Variants in MED12 observed in about 807,000 individuals in gnomAD.
MED12 encodes mediator complex subunit 12.
MED12 carries 10 observed loss-of-function variants against 177.7 expected under a neutral mutation model. The ratio of observed to expected loss-of-function variants is 0.06; its 90% CI spans 0.03 to 0.10. The LOEUF (loss-of-function observed/expected upper bound fraction) is 0.10, where lower values mean the gene tolerates loss of function less well. MED12 is among the 10% of genes least tolerant of loss of function. The probability of loss-of-function intolerance (pLI) is 1.00; values close to 1 mark genes in which losing one functional copy is unlikely to be tolerated. For synonymous variants in MED12, 641 were observed against 678.4 expected, an observed-to-expected ratio of 0.94 and a Z score of 0.86; for missense variants, 867 against 1,780.8, an observed-to-expected ratio of 0.49 and a Z score of 9.23.
intron 4 of MED12, among the ~76,000 whole-genome samples, chrX:71,120,511 C>T (rs747710981): frequency 1.8e-5 from 2 of 109,758 alleles, no homozygotes; most frequent in African/African-American, 6.7e-5. Flanking sequence ...TGGGGGTACC[C>T]GGAAAGGCTT....
chrX:71,124,431 T>G (rs1438977270), intron 13 of MED12, 43 bp downstream of exon 13: 1 of 1,048,346 alleles, frequency 9.5e-7, no homozygotes, highest in Non-Finnish European at 1.3e-6. Flanking sequence ...CTTCTGACAT[T>G]TCCATCTTCA....
chrX:71,125,164 C>T lies in MED12; in HGVS notation c.2226+18C>T, dbSNP rs2092299601. The stretch of plus-strand genomic sequence containing the variant: ...TCCCCCAGGTACTATTCCCCAGCAC[C>T]TTGTGATGATCTGTTTTGAACCCAG... On this transcript the variant is annotated intron_variant, in intron 15 of 44. Coordinates refer to ENST00000374080, the MANE Select transcript of MED12 (RefSeq NM_005120.3). The T allele has an allele frequency of 8.3e-7, 1 of 1,206,937 alleles. No individual in the cohort carries two copies. Among genetic ancestry groups the T allele is most frequent in the Non-Finnish European group, 1.1e-6 (1 of 893,203 alleles).
intron 28 of MED12, among the ~76,000 whole-genome samples, chrX:71,131,231 C>A (rs981104486): frequency 5.9e-5 from 6 of 102,363 alleles, no homozygotes; most frequent in African/African-American, 2.2e-4. Flanking sequence ...CAAGTTCAAA[C>A]AATTCTCCTG....
At chrX:71,140,274 G>T (rs146083300) in intron 41 of MED12, among the ~76,000 whole-genome samples, 1,671 of 107,599 alleles carry the variant, frequency 0.016, 43 homozygotes, top group African/African-American at 0.055. Flanking sequence ...CTAGAGATGG[G>T]GTTTCACCAT....
At chrX:71,118,904 TAGG>T in intron 1 of MED12, 51 bp downstream of exon 1, 2 of 1,074,775 alleles carry the variant, frequency 1.9e-6, no homozygotes, top group Non-Finnish European at 2.6e-6. Context: ...GCGGTCAGCC[TAGG>T]AGGAGGCACT....
intron 33 of MED12, 103 bp from the exon 34 acceptor site, chrX:71,134,254 C>CAA: frequency 2.9e-6 from 1 of 345,526 alleles, no homozygotes; most frequent in Non-Finnish European, 5.1e-6. Context: ...AAAAAAAACT[C>CAA]AAGCATGAAC....
chrX:71,129,733 C>T lies in MED12; in HGVS notation c.3745C>T (p.Leu1249Phe), dbSNP rs1422779785. 9.1e-6 allele frequency: 11 copies of T among 1,203,796 alleles called. No individual in the cohort carries two copies. The highest frequency in any genetic ancestry group is 2.3e-4 in the Middle Eastern group (1 of 4,328). ...GFTVTGGTEELPEEEGGGGSG... is the reference protein window; with the variant it reads ...GFTVTGGTEEFPEEEGGGGSG... ...CACTGTGACAGGAGGAACAGAAGAA[C>T]TTCCAGAGGAGGAGGGAGGAGGTGG... Residue 1249 changes from leucine (L) to phenylalanine (F), a missense_variant, in exon 27 of 45, where the codon CTT becomes TTT. Transcript: ENST00000374080.
rs1362153313 is a variant in MED12 at position 71,142,190 on chromosome X, C to A, written c.6506C>A (p.Pro2169His). 2 of 1,209,168 alleles carry A rather than the reference C, an allele frequency of 1.7e-6. No homozygotes were observed. The highest frequency in any genetic ancestry group is 2.2e-6 in the Non-Finnish European group (2 of 894,722). ...TTTTTCACAGATACCCAGCCACAGC[C>A]CAGTACCAACATATTTGGACGCTAC... The part of the protein sequence containing the change: ...QQQLSNTQPQ[P>H]STNIFGRY The change falls in exon 45 of 45, where the codon CCC becomes CAC. Residue 2169 changes from proline to histidine, a missense_variant. Physicochemically the swap from Pro to His is moderately conservative, Grantham distance 77. This residue lies in a region of MED12 where 236 missense variants were observed against 345.2 expected (regional missense o/e 0.68). Transcript: ENST00000374080.
Position 71,131,547 on chromosome X carries a change from C to T in MED12, c.4048-3C>T, listed in dbSNP as rs1248815559. The T allele has an allele frequency of 1.7e-6, 2 of 1,208,322 alleles. No individual in the cohort carries two copies. The highest frequency in any genetic ancestry group is 4.4e-5 in the Admixed American group (2 of 45,560). Reference sequence around the variant, plus strand: ...TAGCCTGGGTGTGGGGCCTCTATCACAGAACTTGGACCAGTGGACCATGCG... The same window carrying T: ...TAGCCTGGGTGTGGGGCCTCTATCATAGAACTTGGACCAGTGGACCATGCG... On this transcript the variant is annotated splice_polypyrimidine_tract_variant and splice_region_variant and intron_variant, in intron 28 of 44. Coordinates refer to ENST00000374080, the MANE Select transcript of MED12 (RefSeq NM_005120.3).
intron 10 of MED12, 47 bp downstream of exon 10, chrX:71,122,921 A>G (rs2092293308): frequency 3.4e-6 from 4 of 1,191,315 alleles, no homozygotes; most frequent in Non-Finnish European, 4.6e-6. Flanking sequence ...TGCAAGAGCA[A>G]TAATATGTCT....
At chrX:71,135,358 C>T in intron 36 of MED12, 105 bp downstream of exon 36, 2 of 925,652 alleles carry the variant, frequency 2.2e-6, no homozygotes, top group South Asian at 2.0e-5. Flanking sequence ...GATTCAGGAG[C>T]CCATCAGTCT....
Position 71,123,872 on chromosome X carries a change from T to C in MED12, c.1744+152T>C, listed in dbSNP as rs2092296095. The C allele has an allele frequency of 6.5e-6, 4 of 614,433 alleles. No homozygotes were observed. In the East Asian group the frequency reaches 1.4e-4, roughly 22 times the overall value. The allele number at this position is 614,433 out of a possible 1,213,427, so 50.6% of individuals were successfully genotyped here. On this transcript the variant is annotated intron_variant, in intron 12 of 44. Coordinates refer to ENST00000374080, the MANE Select transcript of MED12 (RefSeq NM_005120.3). ...TAGATGTAGTTCTAGTGATCCTCTTTAACTGGTCATCTTACAGTTAAACAG... is the reference window on the plus strand; with the variant it reads ...TAGATGTAGTTCTAGTGATCCTCTTCAACTGGTCATCTTACAGTTAAACAG...
At position 71,137,839 on chromosome X, in the gene MED12, C is replaced by T. The variant is rs1403172061; in HGVS notation, c.5940C>T (p.Thr1980=). Residue 1980 remains threonine, a synonymous_variant, in exon 41 of 45, where the codon ACC becomes ACT. Coordinates refer to ENST00000374080, the MANE Select transcript of MED12 (RefSeq NM_005120.3). The part of the protein sequence containing the change: ...SQPYQSTHPS[T]NPTLVDPTRH... ...CTTACCAGAGCACCCACCCTTCTACCAATCCTACTCTTGTAGATCCTACCC... is the reference window on the plus strand; with the variant it reads ...CTTACCAGAGCACCCACCCTTCTACTAATCCTACTCTTGTAGATCCTACCC... 1 of 1,211,640 alleles carries T rather than the reference C, an allele frequency of 8.3e-7. No individual in the cohort carries two copies. The highest frequency in any genetic ancestry group is 1.1e-6 in the Non-Finnish European group (1 of 895,389).
In MED12 at chrX:71,129,371, C is replaced by A. The variant is rs755212046; in HGVS notation, c.3633C>A (p.Ser1211=). 3.3e-6 allele frequency: 4 copies of A among 1,208,903 alleles called. No homozygotes were observed. The highest frequency in any genetic ancestry group is 4.5e-6 in the Non-Finnish European group (4 of 894,191). The change falls in exon 26 of 45, where the codon TCC becomes TCA. Residue 1211 remains serine, a synonymous_variant. Transcript: ENST00000374080. The part of the protein sequence containing the change: ...SSCDRHLLAA[S]QNRIVDGAVF... ...GCGACCGCCACCTGCTGGCTGCCTC[C>A]CAGAACCGCATCGTGGATGGAGCCG...
rs762299869 is a variant in MED12 at position 71,142,264 on chromosome X, T to C, written c.*46T>C. 1 of 1,158,581 alleles carries C rather than the reference T, an allele frequency of 8.6e-7. No homozygotes were observed. The highest frequency in any genetic ancestry group is 1.2e-6 in the Non-Finnish European group (1 of 847,141). On this transcript the variant is annotated 3_prime_UTR_variant, in exon 45 of 45. Transcript: ENST00000374080. ...GTGCACTGGATGTGGCCCCACCCTT[T>C]CCTCTTAATTCCCAATCCCATTCCT...
At chrX:71,125,286 G>A in intron 15 of MED12, 65 bp from the exon 16 acceptor site, 2 of 1,205,197 alleles carry the variant, frequency 1.7e-6, no homozygotes, top group Non-Finnish European at 2.2e-6. Context: ...GAGGGGTGTG[G>A]AGCATGCTTT....
intron 26 of MED12, 117 bp downstream of exon 26, chrX:71,129,546 G>A: frequency 1.0e-6 from 1 of 977,983 alleles, no homozygotes. Flanking sequence ...TTGGGGAGGA[G>A]GGGAGGGAGA....
intron 5 of MED12, 74 bp from the exon 6 acceptor site, chrX:71,121,253 T>C (rs2092288649): frequency 8.4e-7 from 1 of 1,191,981 alleles, no homozygotes; most frequent in Admixed American, 2.2e-5. Context: ...CCAGTTGTGG[T>C]TCTCTTCATC....
chrX:71,140,080 C>CTTTTTT (rs746271800), intron 41 of MED12, among the ~76,000 whole-genome samples: 4 of 88,645 alleles, frequency 4.5e-5, no homozygotes, highest in Non-Finnish European at 6.7e-5. Context: ...TCTTTTCTTT[C>CTTTTTT]TTTTTTTTTT....
Sources: gnomAD v4.1 joint callset for allele counts (sites outside exome capture counted in the v4.1 genomes callset) on GRCh38, gnomAD v4.1.1 for gene constraint, gnomAD v4.1.1 regional missense constraint, MANE v1.5 for transcripts, NCBI Gene and HGNC (gene_info 2026-07-23, HGNC 2026-07-21) for gene names.